TBL1XR1: variants seen among roughly 807,000 people sequenced by gnomAD.
The protein encoded by TBL1XR1 is TBL1X/Y related 1.
A neutral mutation model predicts 66.9 loss-of-function variants in TBL1XR1; 5 were observed. The observed-to-expected ratio is 0.07, with a 90% CI of 0.04 to 0.16. TBL1XR1 has a LOEUF of 0.16. Ranked by LOEUF, TBL1XR1 falls within the 10% of genes least tolerant of loss-of-function variation. The pLI is 1.00. For synonymous variants in TBL1XR1, 210 were observed against 206.0 expected (o/e 1.02, Z -0.17); for missense variants, 238 against 623.2 (o/e 0.38, Z 6.58).
intron 1 of TBL1XR1, among the ~76,000 whole-genome samples, chr3:177,173,875 T>C (rs1039197319): frequency 2.0e-5 from 3 of 152,192 alleles, no homozygotes; most frequent in Non-Finnish European, 4.4e-5. Flanking sequence ...AAAGTTAATA[T>C]TTTTAAATTA....
At chr3:177,177,990 C>G (rs948450597) in intron 1 of TBL1XR1, among the ~76,000 whole-genome samples, 5 of 152,170 alleles carry the variant, frequency 3.3e-5, no homozygotes, top group African/African-American at 1.2e-4. Flanking sequence ...TGTAACCTCT[C>G]TGAGGTGTTG....
intron 1 of TBL1XR1, among the ~76,000 whole-genome samples, chr3:177,163,223 G>C (rs1732430580): frequency 6.6e-6 from 1 of 151,926 alleles, no homozygotes; most frequent in Non-Finnish European, 1.5e-5. Context: ...AGAAAAAAAA[G>C]AGGCCGGGCG....
At chr3:177,153,968 T>G (rs932532727) in intron 1 of TBL1XR1, among the ~76,000 whole-genome samples, 12 of 147,016 alleles carry the variant, frequency 8.2e-5, no homozygotes, top group Non-Finnish European at 1.5e-4. Context: ...AGAAATAATA[T>G]AGAGTGCTAA....
rs1553852678 is a variant in TBL1XR1, at chr3:177,135,307, C to CTGTCTGTGTGTGTGTGTGTG, written c.-121-36767_-121-36766insCACACACACACACACAGACA. On this transcript the variant is annotated intron_variant, in intron 1 of 15. Transcript: ENST00000457928. ...GTGAGCCACCGCACAAGGCCGCACT[C>CTGTCTGTGTGTGTGTGTGTG]TGTGTGTGTGTGTGTGTGTGTGTGT... Among the ~76,000 whole-genome samples, 594 of 72,150 alleles carry CTGTCTGTGTGTGTGTGTGTG rather than the reference C, an allele frequency of 8.2e-3. 72 individuals carry two copies. Among genetic ancestry groups the CTGTCTGTGTGTGTGTGTGTG allele is most frequent in the African/African-American group, 0.01 (196 of 19,082 alleles). 47.3% of individuals were successfully genotyped at this position (72,150 alleles called of 152,430 possible). A position where few individuals can be genotyped will look rare whatever the true frequency, so the allele number is the denominator to read the frequency against.
chr3:177,142,602 G>T (rs1309317297), intron 1 of TBL1XR1, among the ~76,000 whole-genome samples: 3 of 151,974 alleles, frequency 2.0e-5, no homozygotes, highest in Non-Finnish European at 4.4e-5. Flanking sequence ...TACCTCAGTA[G>T]GAATTTACTT....
intron 1 of TBL1XR1, among the ~76,000 whole-genome samples, chr3:177,155,765 G>A (rs988392136): frequency 6.6e-6 from 1 of 151,944 alleles, no homozygotes; most frequent in Non-Finnish European, 1.5e-5. Context: ...CCTGTAATCC[G>A]TGCACTCCGG....
At chr3:177,043,285 T>C (rs1247971930) in intron 10 of TBL1XR1, among the ~76,000 whole-genome samples, 1 of 152,186 alleles carries the variant, frequency 6.6e-6, no homozygotes, top group East Asian at 1.9e-4. Context: ...GGAAGCACAA[T>C]AATTTCTATT....
chr3:177,078,391 T>C (rs936535721), intron 2 of TBL1XR1, among the ~76,000 whole-genome samples: 2 of 151,176 alleles, frequency 1.3e-5, no homozygotes, highest in Admixed American at 6.6e-5. Flanking sequence ...CTGGGCAACA[T>C]AGGGAGACCC....
intron 4 of TBL1XR1, among the ~76,000 whole-genome samples, chr3:177,052,003 C>T (rs1044884351): frequency 8.6e-5 from 13 of 151,992 alleles, no homozygotes; most frequent in Non-Finnish European, 1.5e-4. Context: ...AAGATGTAGG[C>T]CGAGCTGATA....
At chr3:177,104,874 G>T (rs191221235) in intron 1 of TBL1XR1, among the ~76,000 whole-genome samples, 1 of 152,128 alleles carries the variant, frequency 6.6e-6, no homozygotes, top group African/African-American at 2.4e-5. Context: ...AAACTCTCAA[G>T]TATTTCTAAA....
intron 2 of TBL1XR1, among the ~76,000 whole-genome samples, chr3:177,083,913 C>T (rs570989692): frequency 1.3e-5 from 2 of 151,656 alleles, no homozygotes; most frequent in Non-Finnish European, 2.9e-5. Context: ...CATGATGAAA[C>T]CCCATCTCTA....
rs576161176 is a variant in TBL1XR1 at position 177,065,948 on chromosome 3, C to G, written c.-45-926G>C. Among the ~76,000 whole-genome samples, 3 of 151,884 alleles carry G rather than the reference C, an allele frequency of 2.0e-5. No individual in the cohort carries two copies. The South Asian group carries it at 6.2e-4, about 31-fold the overall frequency. On this transcript the variant is annotated intron_variant, in intron 2 of 15. Transcript: ENST00000457928. ...GTATTATTCTTCTGATTTTTTTTTC[C>G]TAAGCACTTATAAAAATGTAAAGAC...
intron 1 of TBL1XR1, among the ~76,000 whole-genome samples, chr3:177,100,839 T>G (rs574801460): frequency 1.3e-5 from 2 of 151,090 alleles, no homozygotes; most frequent in African/African-American, 4.8e-5. Context: ...AAGTATTGGC[T>G]CTGCTATTTT....
intron 3 of TBL1XR1, among the ~76,000 whole-genome samples, chr3:177,063,689 C>T (rs987283160): frequency 1.3e-5 from 2 of 152,148 alleles, no homozygotes; most frequent in Non-Finnish European, 2.9e-5. Flanking sequence ...TTTAGATCTG[C>T]CTTCAGTACC....
At chr3:177,111,461 C>A (rs1460709236) in intron 1 of TBL1XR1, among the ~76,000 whole-genome samples, 3 of 151,880 alleles carry the variant, frequency 2.0e-5, no homozygotes, top group African/African-American at 7.3e-5. Flanking sequence ...TTAGTAGAGA[C>A]AAAATAGCTG....
intron 2 of TBL1XR1, among the ~76,000 whole-genome samples, chr3:177,071,620 A>G (rs545948343): frequency 1.3e-5 from 2 of 152,334 alleles, no homozygotes; most frequent in African/African-American, 4.8e-5. Context: ...AACTGTGAAG[A>G]GATCAACATC....
At chr3:177,177,889 A>G (rs528115746) in intron 1 of TBL1XR1, among the ~76,000 whole-genome samples, 3 of 152,292 alleles carry the variant, frequency 2.0e-5, no homozygotes, top group African/African-American at 7.2e-5. Flanking sequence ...AAAAAAAACA[A>G]TGATCAAAGT....
At chr3:177,082,856 C>A (rs1171260268) in intron 2 of TBL1XR1, among the ~76,000 whole-genome samples, 1 of 148,550 alleles carries the variant, frequency 6.7e-6, no homozygotes. Context: ...CCCAGGTTCA[C>A]GCCATTCTCC....
intron 2 of TBL1XR1, among the ~76,000 whole-genome samples, chr3:177,075,647 C>A (rs1381629628): frequency 6.6e-6 from 1 of 152,204 alleles, no homozygotes; most frequent in Non-Finnish European, 1.5e-5. Context: ...AGACCCCTCT[C>A]CTCCTGCCAT....
Sources: allele counts gnomAD v4.1 joint callset (sites outside exome capture counted in the v4.1 genomes callset), GRCh38; gene constraint gnomAD v4.1.1; transcripts MANE v1.5; gene names NCBI Gene and HGNC (gene_info 2026-07-23, HGNC 2026-07-21).